The following PCDH11Y variants were observed in gnomAD, a reference collection of about 807,000 sequenced individuals.
PCDH11Y encodes protocadherin-11 Y-linked.
For synonymous variants in PCDH11Y, 9 were observed against 83.6 expected, an observed-to-expected ratio of 0.11 and a Z score of 4.87; for missense variants, 12 against 224.8, an observed-to-expected ratio of 0.05 and a Z score of 6.05.
intron 2 of PCDH11Y, among the ~76,000 whole-genome samples, chrY:5,274,023 T>A: frequency 5.0e-4 from 16 of 32,106 alleles, no homozygotes; most frequent in Non-Finnish European, 7.6e-4. Context: ...AGAAGGAAAT[T>A]TGGGCAATAT....
intron 1 of PCDH11Y, among the ~76,000 whole-genome samples, chrY:5,094,672 C>T: frequency 3.2e-5 from 1 of 31,202 alleles, no homozygotes; most frequent in South Asian, 7.2e-4. Flanking sequence ...CAGTGTCCAA[C>T]GTAGTAGCTA....
At chrY:5,395,129 G>C in intron 2 of PCDH11Y, among the ~76,000 whole-genome samples, 1 of 33,175 alleles carries the variant, frequency 3.0e-5, no homozygotes, top group East Asian at 7.9e-4. Flanking sequence ...TGGAAATCCA[G>C]AGGCAGTAGC....
chrY:5,407,846 G>A, intron 2 of PCDH11Y, among the ~76,000 whole-genome samples: 1 of 28,606 alleles, frequency 3.5e-5, no homozygotes, highest in Non-Finnish European at 8.2e-5. Flanking sequence ...ACCAGCGGGC[G>A]GAGCTTGCAG....
chrY:5,637,199 G>C (rs1467888021), intron 4 of PCDH11Y, among the ~76,000 whole-genome samples: 1 of 33,452 alleles, frequency 3.0e-5, no homozygotes. Flanking sequence ...CTTGCTCTAA[G>C]ATGATAGATT....
intron 4 of PCDH11Y, among the ~76,000 whole-genome samples, chrY:5,633,361 C>T (rs2053513834): frequency 3.4e-5 from 1 of 29,515 alleles, no homozygotes; most frequent in African/African-American, 1.3e-4. Flanking sequence ...TGCACAGACA[C>T]TTTTATGTTT....
intron 2 of PCDH11Y, among the ~76,000 whole-genome samples, chrY:5,230,585 AC>A (rs2052966974): frequency 1.2e-4 from 4 of 32,676 alleles, no homozygotes; most frequent in Non-Finnish European, 2.2e-4. Context: ...TTAACTGTTA[AC>A]CTTTGAGAGT....
At chrY:5,547,376 G>C in intron 3 of PCDH11Y, among the ~76,000 whole-genome samples, 1 of 31,949 alleles carries the variant, frequency 3.1e-5, no homozygotes, top group Non-Finnish European at 7.7e-5. Flanking sequence ...TTTAACACTT[G>C]GTTTAACAAA....
At chrY:5,450,148 C>T (rs2053291940) in intron 2 of PCDH11Y, among the ~76,000 whole-genome samples, 3 of 32,656 alleles carry the variant, frequency 9.2e-5, no homozygotes, top group Non-Finnish European at 1.5e-4. Flanking sequence ...ACACCTACCA[C>T]AAGAGAACAG....
chrY:5,741,568 T>A (rs2124716925), exon 5 of PCDH11Y: 1 of 32,920 alleles, frequency 3.0e-5, no homozygotes, highest in Non-Finnish European at 7.5e-5. Context: ...AAATTTATAG[T>A]TAGTTTAGGT....
At chrY:5,701,585 G>A in intron 4 of PCDH11Y, among the ~76,000 whole-genome samples, 1 of 33,257 alleles carries the variant, frequency 3.0e-5, no homozygotes, top group Non-Finnish European at 7.4e-5. Context: ...TTCAGAGTGT[G>A]TATGGAAATG....
intron 4 of PCDH11Y, among the ~76,000 whole-genome samples, chrY:5,672,652 G>C: frequency 3.1e-5 from 1 of 31,964 alleles, no homozygotes; most frequent in Non-Finnish European, 7.7e-5. Context: ...TTACATATTT[G>C]AATCTTCTCC....
intron 2 of PCDH11Y, among the ~76,000 whole-genome samples, chrY:5,384,185 G>A: frequency 3.1e-5 from 1 of 32,511 alleles, no homozygotes; most frequent in Non-Finnish European, 7.5e-5. Context: ...ATAAAGTTTG[G>A]AAGTCCTAGT....
intron 2 of PCDH11Y, among the ~76,000 whole-genome samples, chrY:5,495,033 C>G (rs1602933825): frequency 5.6e-4 from 14 of 25,028 alleles, no homozygotes; most frequent in Middle Eastern, 0.018. Flanking sequence ...GGCGACAGAG[C>G]AAGACTCCAT....
intron 3 of PCDH11Y, among the ~76,000 whole-genome samples, chrY:5,577,013 CTTG>C (rs2053446834): frequency 3.0e-5 from 1 of 33,042 alleles, no homozygotes; most frequent in Non-Finnish European, 7.5e-5. Context: ...ATGTCTCTAA[CTTG>C]TTGTGTTAGT....
At chrY:5,212,682 A>G (rs2124651225) in intron 2 of PCDH11Y, among the ~76,000 whole-genome samples, 1 of 32,845 alleles carries the variant, frequency 3.0e-5, no homozygotes, top group Non-Finnish European at 7.5e-5. Context: ...GAGCAATACT[A>G]TAATACATAG....
chrY:5,261,210 G>T, intron 2 of PCDH11Y, among the ~76,000 whole-genome samples: 1 of 32,992 alleles, frequency 3.0e-5, no homozygotes, highest in South Asian at 6.7e-4. Flanking sequence ...CATGAAAATG[G>T]ACTAATACAG....
intron 1 of PCDH11Y, among the ~76,000 whole-genome samples, chrY:5,070,616 T>C: frequency 3.0e-5 from 1 of 33,662 alleles, no homozygotes; most frequent in Non-Finnish European, 7.4e-5. Flanking sequence ...TAGTCCACAT[T>C]CAATTTTAGA....
intron 2 of PCDH11Y, among the ~76,000 whole-genome samples, chrY:5,242,982 C>G: frequency 3.0e-5 from 1 of 33,183 alleles, no homozygotes; most frequent in East Asian, 7.9e-4. Flanking sequence ...TAAAAATTGA[C>G]CAGGATGTGT....
chrY:5,330,075 G>C (rs2053128636), intron 2 of PCDH11Y, among the ~76,000 whole-genome samples: 2 of 33,068 alleles, frequency 6.0e-5, no homozygotes, highest in African/African-American at 2.4e-4. Context: ...TCCGAAAAGA[G>C]AGTCAGCGAA....
Sources: allele counts gnomAD v4.1 joint callset (sites outside exome capture counted in the v4.1 genomes callset), GRCh38; gene constraint gnomAD v4.1.1; transcripts MANE v1.5; gene names NCBI Gene and HGNC (gene_info 2026-07-23, HGNC 2026-07-21).